The following KCNT1 variants were observed in gnomAD, a reference collection of about 807,000 sequenced individuals.
The protein encoded by KCNT1 is potassium sodium-activated channel subfamily T member 1.
In KCNT1, 78 loss-of-function variants were observed where a neutral mutation model predicts 147.8. The observed-to-expected ratio is 0.53, with a 90% CI of 0.44 to 0.64. The LOEUF (loss-of-function observed/expected upper bound fraction) is 0.64, where lower values mean the gene tolerates loss of function less well. Ranked by LOEUF, KCNT1 falls within the 30% of genes least tolerant of loss-of-function variation. KCNT1 has a pLI of 0.00. For synonymous variants in KCNT1, 867 were observed against 748.8 expected, an observed-to-expected ratio of 1.16 and a Z score of -2.58; for missense variants, 1,419 against 1,750.3, an observed-to-expected ratio of 0.81 and a Z score of 3.38.
At chr9:135,724,338 T>A (rs1191725795) in intron 2 of KCNT1, among the ~76,000 whole-genome samples, 2 of 152,192 alleles carry the variant, frequency 1.3e-5, no homozygotes, top group African/African-American at 2.4e-5. Context: ...TGCACTCCCA[T>A]CCTGAGCCCC....
rs550711250 is a variant in KCNT1 at position 135,776,291 on chromosome 9, T to C, written c.2349+876T>C. On this transcript the variant is annotated intron_variant, in intron 20 of 30. Coordinates refer to ENST00000371757, the MANE Select transcript of KCNT1 (RefSeq NM_020822.3). ...GGTTTTTTTTAAGACGGGGTCCCAC[T>C]CTGTCATCCAGGCTGGAGTGCAGTG... 6.6e-5 allele frequency among the ~76,000 whole-genome samples: 10 copies of C among 152,220 alleles called. No individual in the cohort carries two copies. The South Asian group carries it at 2.1e-3, about 32-fold the overall frequency.
intron 14 of KCNT1, 26 bp downstream of exon 14, chr9:135,768,699 G>C (rs1323891319): frequency 1.3e-6 from 2 of 1,546,238 alleles, no homozygotes; most frequent in East Asian, 2.4e-5. Flanking sequence ...GCCCTGCCCA[G>C]GCGGGAGGGG....
chr9:135,742,942 T>A, intron 2 of KCNT1: 1 of 658,622 alleles, frequency 1.5e-6, no homozygotes, highest in Admixed American at 2.3e-5. Context: ...CACCGGCACC[T>A]CCCAGTACCC....
intron 13 of KCNT1, 146 bp from the exon 14 acceptor site, chr9:135,768,464 C>A: frequency 1.6e-6 from 1 of 615,772 alleles, no homozygotes; most frequent in Non-Finnish European, 2.9e-6. Context: ...CTCCGCCTTC[C>A]ATCCAGCCGT....
Position 135,768,240 on chromosome 9 carries a change from CGGGGGGGGGG to C in KCNT1, c.1338-362_1338-353del, listed in dbSNP as rs751932639. ...AGTCTGGAGAGGCCCAGGATGCCTGCGGGGGGGGGGGGGGGGGCACTGGGATACCGGTGGG... is the reference window on the plus strand; with the variant it reads ...AGTCTGGAGAGGCCCAGGATGCCTGCGGGGGGGCACTGGGATACCGGTGGG... On this transcript the variant is annotated intron_variant, in intron 13 of 30. Coordinates refer to ENST00000371757, the MANE Select transcript of KCNT1 (RefSeq NM_020822.3). Among the ~76,000 whole-genome samples, 6 of 5,084 alleles carry C rather than the reference CGGGGGGGGGG, an allele frequency of 1.2e-3. 2 individuals carry two copies. The highest frequency in any genetic ancestry group is 1.8e-3 in the Non-Finnish European group (6 of 3,364). The allele number at this position is 5,084 out of a possible 152,430, so 3.3% of individuals were successfully genotyped here.
At chr9:135,717,308 T>G (rs1031356422) in intron 2 of KCNT1, among the ~76,000 whole-genome samples, 1 of 151,660 alleles carries the variant, frequency 6.6e-6, no homozygotes. Flanking sequence ...CTGGCTCCTG[T>G]GGTGTTGGTG....
Position 135,746,280 on chromosome 9 carries a change from G to T in KCNT1, c.255-3818G>T, listed in dbSNP as rs766300581. 2.0e-5 allele frequency among the ~76,000 whole-genome samples: 3 copies of T among 152,292 alleles called. No homozygotes were observed. The East Asian group carries it at 5.8e-4, about 29-fold the overall frequency. On this transcript the variant is annotated intron_variant, in intron 2 of 30. Coordinates refer to ENST00000371757, the MANE Select transcript of KCNT1 (RefSeq NM_020822.3). ...CCATCTGTGCAGGTGGGCACTCCCC[G>T]CTGAGCTCCGTGGGGGCTACCCAGA...
At chr9:135,750,065 C>G (rs1305954130) in intron 2 of KCNT1, 33 bp from the exon 3 acceptor site, 10 of 1,584,206 alleles carry the variant, frequency 6.3e-6, no homozygotes, top group Non-Finnish European at 8.7e-6. Context: ...CCCCACTGGC[C>G]CTGAGCCTCC....
chr9:135,725,084 C>A (rs1836079864), intron 2 of KCNT1, among the ~76,000 whole-genome samples: 1 of 152,238 alleles, frequency 6.6e-6, no homozygotes, highest in African/African-American at 2.4e-5. Context: ...ATGACAAACC[C>A]AGCCCAGGAT....
intron 29 of KCNT1, among the ~76,000 whole-genome samples, chr9:135,786,764 C>T (rs1159832617): frequency 6.6e-6 from 1 of 152,248 alleles, no homozygotes; most frequent in Non-Finnish European, 1.5e-5. Flanking sequence ...CACCCTGGTG[C>T]TGGGAGGCCA....
chr9:135,732,782 C>CAT (rs774409234), intron 2 of KCNT1, among the ~76,000 whole-genome samples: 1 of 147,398 alleles, frequency 6.8e-6, no homozygotes, highest in Non-Finnish European at 1.5e-5. Context: ...CTCTCATTCT[C>CAT]TCTCTCTTCT....
intron 11 of KCNT1, among the ~76,000 whole-genome samples, chr9:135,763,381 G>A (rs1832042733): frequency 6.6e-6 from 1 of 152,226 alleles, no homozygotes; most frequent in Non-Finnish European, 1.5e-5. Flanking sequence ...TCGCTCACGA[G>A]CGTCCTTCTG....
intron 1 of KCNT1, among the ~76,000 whole-genome samples, chr9:135,707,628 A>G (rs1020585045): frequency 1.9e-4 from 29 of 152,220 alleles, no homozygotes; most frequent in Admixed American, 1.6e-3. Flanking sequence ...TGACCAGCAC[A>G]CTGCTGCCTG....
At chr9:135,755,008 G>A in intron 5 of KCNT1, 113 bp from the exon 6 acceptor site, 1 of 908,386 alleles carries the variant, frequency 1.1e-6, no homozygotes. Flanking sequence ...GCCCCAATGA[G>A]CAGCACATGC....
Position 135,702,294 on chromosome 9 carries a change from C to T in KCNT1, c.36C>T (p.Gly12=), listed in dbSNP as rs1442852201. The change falls in exon 1 of 31, where the codon GGC becomes GGT. Residue 12 remains glycine, a synonymous_variant. Transcript: ENST00000371757. ...PLPDGARTPG[G]VCREARGGGY... ...CTGACGGGGCGCGGACCCCGGGGGG[C>T]GTCTGCCGGGAGGCGCGCGGCGGGG... 5 of 1,609,060 alleles carry T rather than the reference C, an allele frequency of 3.1e-6. No individual in the cohort carries two copies. Among genetic ancestry groups the T allele is most frequent in the African/African-American group, 1.3e-5 (1 of 74,522 alleles).
Position 135,770,290 on chromosome 9 carries a change from G to T in KCNT1, c.1620-8G>T. On this transcript the variant is annotated splice_polypyrimidine_tract_variant and splice_region_variant and intron_variant, in intron 16 of 30. Transcript: ENST00000371757. ...GTGACGCTCCCCTGGCCCCGCCCTG[G>T]CCCACAGGGAGGGACAGGAGTCTCC... 6.3e-7 allele frequency: 1 copy of T among 1,586,808 alleles called. No homozygotes were observed. Among genetic ancestry groups the T allele is most frequent in the Non-Finnish European group, 8.6e-7 (1 of 1,164,764 alleles).
rs139145617 is a variant in KCNT1, at chr9:135,760,314, C to T, written c.1035+455C>T. ...ACTGCCCACTGAGCAGAGGAGGGGA[C>T]GGGGCAAGACCTCAGTGGGAAAGGT... On this transcript the variant is annotated intron_variant, in intron 11 of 30. Transcript: ENST00000371757. Among the ~76,000 whole-genome samples, 1,036 of 152,284 alleles carry T rather than the reference C, an allele frequency of 6.8e-3. 7 individuals are homozygous for T. The highest frequency in any genetic ancestry group is 0.01 in the Non-Finnish European group (691 of 68,008).
intron 2 of KCNT1, among the ~76,000 whole-genome samples, chr9:135,715,965 G>A (rs1835705268): frequency 6.6e-6 from 1 of 152,174 alleles, no homozygotes; most frequent in South Asian, 2.1e-4. Flanking sequence ...TGAACTCAGT[G>A]CTCTAATAAT....
chr9:135,765,840 C>T (rs906152182), intron 13 of KCNT1, 80 bp downstream of exon 13: 8 of 1,337,594 alleles, frequency 6.0e-6, no homozygotes, highest in African/African-American at 2.9e-5. Flanking sequence ...AGGCATTGAC[C>T]GTCGCTCTCC....
Sources: allele counts gnomAD v4.1 joint callset (sites outside exome capture counted in the v4.1 genomes callset), GRCh38; gene constraint gnomAD v4.1.1; transcripts MANE v1.5; gene names NCBI Gene and HGNC (gene_info 2026-07-23, HGNC 2026-07-21).